The following MTF2 variants were observed in gnomAD, a reference collection of about 807,000 sequenced individuals.
MTF2 encodes the protein metal-response element-binding transcription factor 2.
In MTF2, 11 loss-of-function variants were observed where a neutral mutation model predicts 79.5. That is an observed-to-expected ratio of 0.14 (90% CI 0.09 to 0.23). The LOEUF is 0.23. MTF2 is among the 10% of genes least tolerant of loss of function. The pLI, the probability that MTF2 is intolerant of heterozygous loss-of-function variation, is 1.00. For synonymous variants in MTF2, 208 were observed against 232.8 expected, an observed-to-expected ratio of 0.89 and a Z score of 0.97; for missense variants, 486 against 711.2, an observed-to-expected ratio of 0.68 and a Z score of 3.60.
At chr1:93,127,381 G>A (rs2101086642) in intron 10 of MTF2, 82 bp downstream of exon 10, 1 of 903,788 alleles carries the variant, frequency 1.1e-6, no homozygotes, top group Non-Finnish European at 1.8e-6. Flanking sequence ...AAGAATTGTG[G>A]GATTGATGTA....
chr1:93,118,074 G>A (rs1656324182), intron 6 of MTF2, among the ~76,000 whole-genome samples: 1 of 152,136 alleles, frequency 6.6e-6, no homozygotes, highest in South Asian at 2.1e-4. Context: ...TTTGACTAGT[G>A]TAGGAGCCAG....
rs376781945 is a variant in MTF2 at position 93,120,362 on chromosome 1, G to A, written c.798-187G>A. On this transcript the variant is annotated intron_variant, in intron 8 of 14. Coordinates refer to ENST00000370298, the MANE Select transcript of MTF2 (RefSeq NM_007358.4). ...TCTTCTAGTTTATAGTTGCTATTCA[G>A]AATAAGTGAATGTTTAGTCACTATT... is the stretch of plus-strand genomic sequence containing the variant. 10 of 378,554 alleles carry A rather than the reference G, an allele frequency of 2.6e-5. No individual in the cohort carries two copies. The East Asian group carries it at 2.9e-4, about 11-fold the overall frequency. The allele number at this position is 378,554 out of a possible 1,614,324, so 23.4% of individuals were successfully genotyped here.
intron 1 of MTF2, among the ~76,000 whole-genome samples, chr1:93,100,873 C>T (rs891618017): frequency 2.0e-5 from 3 of 152,158 alleles, no homozygotes; most frequent in African/African-American, 7.2e-5. Context: ...TACTTTGGCC[C>T]TGTTTGGCCT....
At chr1:93,125,727 G>A (rs994495059) in intron 9 of MTF2, among the ~76,000 whole-genome samples, 2 of 152,016 alleles carry the variant, frequency 1.3e-5, no homozygotes, top group African/African-American at 4.8e-5. Context: ...CCAGGAAGAA[G>A]ACAGAGTTAG....
At chr1:93,136,562 A>G in intron 14 of MTF2, 108 bp from the exon 15 acceptor site, 2 of 909,416 alleles carry the variant, frequency 2.2e-6, no homozygotes, top group South Asian at 1.7e-5. Context: ...TTTTTATATC[A>G]TCAAGGATAT....
Position 93,105,324 on chromosome 1 carries a change from G to A in MTF2, c.6-4906G>A, listed in dbSNP as rs556078961. On this transcript the variant is annotated intron_variant, in intron 1 of 14. Coordinates refer to ENST00000370298, the MANE Select transcript of MTF2 (RefSeq NM_007358.4). ...GGAAAGAGTAGGAAGTGGTGGGAAC[G>A]GAGCACAAAGAATCAAGAGAATTTA... 9.2e-5 allele frequency among the ~76,000 whole-genome samples: 14 copies of A among 152,202 alleles called. No homozygotes were observed. The South Asian group carries it at 1.5e-3, about 16-fold the overall frequency.
intron 9 of MTF2, among the ~76,000 whole-genome samples, chr1:93,125,422 G>T (rs1656656074): frequency 1.3e-5 from 2 of 151,122 alleles, no homozygotes; most frequent in Admixed American, 6.6e-5. Flanking sequence ...AAAATTAAAT[G>T]GATTTGTAAC....
At chr1:93,127,321 A>C in intron 10 of MTF2, 22 bp downstream of exon 10, 7 of 1,455,574 alleles carry the variant, frequency 4.8e-6, no homozygotes, top group Non-Finnish European at 5.8e-6. Flanking sequence ...TATTTTATGT[A>C]TCCCTATGAG....
In MTF2 at chr1:93,118,330, TG is replaced by T; in HGVS notation, c.633-14del. The T allele has an allele frequency of 6.4e-7, 1 of 1,553,774 alleles. No homozygotes were observed. Among genetic ancestry groups the T allele is most frequent in the Non-Finnish European group, 8.7e-7 (1 of 1,147,800 alleles). Reference sequence around the variant, plus strand: ...ACAGGAATTTTAGTGTTAACTTTTTTGTTTTTTTTAATAGCTGGTATTTGAA... The same window carrying T: ...ACAGGAATTTTAGTGTTAACTTTTTTTTTTTTTTAATAGCTGGTATTTGAA... On this transcript the variant is annotated splice_polypyrimidine_tract_variant and intron_variant, in intron 6 of 14. Transcript: ENST00000370298.
At chr1:93,135,000 C>T (rs561335857) in intron 14 of MTF2, among the ~76,000 whole-genome samples, 1 of 151,930 alleles carries the variant, frequency 6.6e-6, no homozygotes, top group South Asian at 2.1e-4. Flanking sequence ...GATGGAGTCT[C>T]GCTCTGTCAC....
At chr1:93,087,361 C>T (rs896061924) in intron 1 of MTF2, among the ~76,000 whole-genome samples, 2 of 152,090 alleles carry the variant, frequency 1.3e-5, no homozygotes, top group African/African-American at 4.8e-5. Flanking sequence ...CACCTGAGGT[C>T]GGGAGTTCAA....
At position 93,133,939 on chromosome 1, in the gene MTF2, A is replaced by G; in HGVS notation, c.1278A>G (p.Ser426=). 2 of 1,575,632 alleles carry G rather than the reference A, an allele frequency of 1.3e-6. No homozygotes were observed. The highest frequency in any genetic ancestry group is 1.7e-6 in the Non-Finnish European group (2 of 1,149,128). ...KTAEPLLDKE[S]ISENPTLDLP... is the part of the protein sequence containing the mutation. Reference sequence around the variant, plus strand: ...TTTTTATTTTCCAGGATAAGGAATCAATTTCAGAGAATCCTACTTTGGATT... The same window carrying G: ...TTTTTATTTTCCAGGATAAGGAATCGATTTCAGAGAATCCTACTTTGGATT... The change falls in exon 13 of 15, where the codon TCA becomes TCG. Residue 426 remains serine (S), a synonymous_variant. Coordinates refer to ENST00000370298, the MANE Select transcript of MTF2 (RefSeq NM_007358.4).
At chr1:93,096,710 G>A (rs1485765038) in intron 1 of MTF2, among the ~76,000 whole-genome samples, 1 of 150,170 alleles carries the variant, frequency 6.7e-6, no homozygotes, top group African/African-American at 2.5e-5. Context: ...TTTTTAATAT[G>A]TGCTTTTTGT....
chr1:93,113,698 G>A (rs371648056), intron 3 of MTF2, among the ~76,000 whole-genome samples: 77 of 152,238 alleles, frequency 5.1e-4, no homozygotes, highest in South Asian at 2.3e-3. Context: ...GAGAGAACAT[G>A]GATTTTGGCA....
At position 93,137,940 on chromosome 1, in the gene MTF2, C is replaced by G. The variant is rs1489522240; in HGVS notation, c.*913C>G. The G allele has an allele frequency of 1.3e-5, 2 of 152,152 alleles. No homozygotes were observed. The highest frequency in any genetic ancestry group is 4.8e-5 in the African/African-American group (2 of 41,430). 9.4% of individuals were successfully genotyped at this position (152,152 alleles called of 1,614,324 possible). ...AATTCAAATAATATGAACATTATCT[C>G]CTACTAGAAGTAACGTTTTCAAGTT... On this transcript the variant is annotated 3_prime_UTR_variant, in exon 15 of 15. Transcript: ENST00000370298.
rs774485995 is a variant in MTF2, at chr1:93,120,658, T to C, written c.907T>C (p.Leu303=). The change falls in exon 9 of 15, where the codon TTG becomes CTG. Residue 303 remains leucine, a synonymous_variant. Coordinates refer to ENST00000370298, the MANE Select transcript of MTF2 (RefSeq NM_007358.4). ...MTYINENWDR[L]HPGELADTPK... ...ATACATTAATGAAAACTGGGATAGATTGCACCCTGGAGAGGTAGGTGGTCT... is the reference window on the plus strand; with the variant it reads ...ATACATTAATGAAAACTGGGATAGACTGCACCCTGGAGAGGTAGGTGGTCT... 4 of 1,609,638 alleles carry C rather than the reference T, an allele frequency of 2.5e-6. No individual in the cohort carries two copies. The highest frequency in any genetic ancestry group is 1.1e-5 in the South Asian group (1 of 89,896).
chr1:93,079,936 G>T (rs573424512), intron 1 of MTF2, among the ~76,000 whole-genome samples: 27 of 151,984 alleles, frequency 1.8e-4, no homozygotes, highest in Non-Finnish European at 3.8e-4. Flanking sequence ...GAAATGTGGG[G>T]AGCAGAGTGG....
intron 7 of MTF2, 109 bp downstream of exon 7, chr1:93,118,549 G>A (rs1656344432): frequency 3.0e-6 from 2 of 673,130 alleles, no homozygotes; most frequent in Middle Eastern, 2.6e-4. Flanking sequence ...ATTTGGAAAG[G>A]GGTTGTCTCA....
intron 1 of MTF2, among the ~76,000 whole-genome samples, chr1:93,088,703 T>G (rs1475977502): frequency 6.6e-6 from 1 of 152,132 alleles, no homozygotes; most frequent in Non-Finnish European, 1.5e-5. Flanking sequence ...GTAGCTGGGA[T>G]TACAGCTGTG....
Sources: allele counts gnomAD v4.1 joint callset (sites outside exome capture counted in the v4.1 genomes callset), GRCh38; gene constraint gnomAD v4.1.1; transcripts MANE v1.5; gene names NCBI Gene and HGNC (gene_info 2026-07-23, HGNC 2026-07-21).